KANK1: variants seen among roughly 807,000 people sequenced by gnomAD.
The protein encoded by KANK1 is KN motif and ankyrin repeat domain-containing protein 1.
A neutral mutation model predicts 106.2 loss-of-function variants in KANK1; 109 were observed. That is an observed-to-expected ratio of 1.03 (90% CI 0.88 to 1.20). The LOEUF is 1.20. KANK1 is among the 50% of genes most tolerant of loss of function. The probability of loss-of-function intolerance (pLI) is 0.00; values close to 1 mark genes in which losing one functional copy is unlikely to be tolerated. For missense variants in KANK1, 2,399 were observed against 1,710.7 expected (o/e 1.40, Z -7.10); for synonymous variants, 873 against 652.2 (o/e 1.34, Z -5.16).
At chr9:507,093 G>T (rs2058793599) in intron 1 of KANK1, among the ~76,000 whole-genome samples, 1 of 151,336 alleles carries the variant, frequency 6.6e-6, no homozygotes, top group Admixed American at 6.6e-5. Context: ...AGTGTTTCGG[G>T]AAGTTTTAGG....
intron 3 of KANK1, among the ~76,000 whole-genome samples, chr9:717,014 G>A (rs142096544): frequency 2.0e-5 from 3 of 151,608 alleles, no homozygotes; most frequent in South Asian, 2.1e-4. Context: ...GATTGTGCAC[G>A]GTGGCTCACA....
chr9:689,069 T>TTAAA (rs1419076516), intron 2 of KANK1, among the ~76,000 whole-genome samples: 1 of 152,200 alleles, frequency 6.6e-6, no homozygotes, highest in East Asian at 1.9e-4. Flanking sequence ...ATGTTCTTAT[T>TTAAA]TAGTTCTGTG....
chr9:669,031 C>A (rs945581603), intron 1 of KANK1, among the ~76,000 whole-genome samples: 1 of 152,040 alleles, frequency 6.6e-6, no homozygotes, highest in African/African-American at 2.4e-5. Context: ...AGTTGGAGAT[C>A]CCTGTCTTAG....
intron 1 of KANK1, among the ~76,000 whole-genome samples, chr9:646,666 G>T (rs375992493): frequency 1.4e-4 from 21 of 149,344 alleles, no homozygotes; most frequent in Admixed American, 1.4e-3. Context: ...AGAGCAGTTC[G>T]CCTGATCATT....
chr9:689,323 T>C (rs2139392533), intron 2 of KANK1, among the ~76,000 whole-genome samples: 1 of 152,282 alleles, frequency 6.6e-6, no homozygotes, highest in East Asian at 1.9e-4. Context: ...TTATTTTTCT[T>C]GTCTTTTAAG....
At chr9:719,975 T>G (rs1828873379) in intron 3 of KANK1, among the ~76,000 whole-genome samples, 1 of 152,244 alleles carries the variant, frequency 6.6e-6, no homozygotes, top group African/African-American at 2.4e-5. Context: ...TGGCTTGTTT[T>G]TCATTATAGT....
At chr9:537,840 G>C (rs1478535638) in intron 1 of KANK1, among the ~76,000 whole-genome samples, 4 of 152,162 alleles carry the variant, frequency 2.6e-5, no homozygotes, top group African/African-American at 9.7e-5. Context: ...GTAGTGCTGA[G>C]GTGGAGAACT....
At chr9:577,708 A>G (rs1439170964) in intron 1 of KANK1, among the ~76,000 whole-genome samples, 4 of 152,084 alleles carry the variant, frequency 2.6e-5, no homozygotes, top group Non-Finnish European at 4.4e-5. Context: ...TCCACCCCAA[A>G]CCTCTTGAAT....
chr9:543,094 A>G (rs943071034), intron 1 of KANK1, among the ~76,000 whole-genome samples: 3 of 152,194 alleles, frequency 2.0e-5, no homozygotes, highest in Non-Finnish European at 4.4e-5. Flanking sequence ...CACGAGGTCT[A>G]TGTACATCAA....
chr9:473,872 G>T (rs1362961474), intron 3 of KANK1, among the ~76,000 whole-genome samples: 1 of 152,074 alleles, frequency 6.6e-6, no homozygotes, highest in Admixed American at 6.5e-5. Flanking sequence ...GCTAATTTTT[G>T]TATTTTTAGT....
intron 1 of KANK1, among the ~76,000 whole-genome samples, chr9:528,407 T>C (rs906638009): frequency 6.6e-6 from 1 of 151,788 alleles, no homozygotes; most frequent in Non-Finnish European, 1.5e-5. Context: ...GTCTTTTTAT[T>C]CCATTTTCTG....
rs558191286 is a variant in KANK1 at position 488,110 on chromosome 9, G to A, written c.-362+14837G>A. On this transcript the variant is annotated intron_variant, in intron 3 of 15. Coordinates refer to the KANK1 transcript ENST00000382303. The stretch of plus-strand genomic sequence containing the variant: ...ATGAGGAGATGGTCAACATGGCTAC[G>A]AACTCCACATGAACTCAGTATTAAC... Among the ~76,000 whole-genome samples the A allele has an allele frequency of 1.7e-4, 26 of 152,236 alleles. No individual in the cohort carries two copies. In the South Asian group the frequency reaches 5.2e-3, roughly 30 times the overall value.
intron 1 of KANK1, among the ~76,000 whole-genome samples, chr9:554,769 A>G (rs1443768435): frequency 1.3e-5 from 2 of 152,348 alleles, no homozygotes; most frequent in African/African-American, 2.4e-5. Context: ...TGGAAATGCC[A>G]CTACTAAAAA....
At chr9:596,784 C>T (rs939753619) in intron 1 of KANK1, among the ~76,000 whole-genome samples, 4 of 151,726 alleles carry the variant, frequency 2.6e-5, no homozygotes, top group Non-Finnish European at 5.9e-5. Flanking sequence ...TAATAATTGA[C>T]AATTCAGATG....
At chr9:633,228 G>A (rs967636572) in intron 1 of KANK1, among the ~76,000 whole-genome samples, 9 of 152,012 alleles carry the variant, frequency 5.9e-5, no homozygotes, top group African/African-American at 2.2e-4. Context: ...GAGCCGAGGC[G>A]GGCAGATCAG....
At chr9:703,369 A>G (rs192303045) in intron 2 of KANK1, among the ~76,000 whole-genome samples, 191 of 152,172 alleles carry the variant, frequency 1.3e-3, no homozygotes, top group African/African-American at 4.3e-3. Flanking sequence ...CAGCTAGACT[A>G]TATCTGATTT....
intron 1 of KANK1, among the ~76,000 whole-genome samples, chr9:602,156 A>G (rs192348885): frequency 2.6e-5 from 4 of 152,132 alleles, no homozygotes; most frequent in African/African-American, 7.3e-5. Context: ...AAATACTTTT[A>G]CATTGATAGG....
intron 1 of KANK1, among the ~76,000 whole-genome samples, chr9:645,472 TA>T (rs1839470484): frequency 8.3e-6 from 1 of 120,406 alleles, no homozygotes; most frequent in Non-Finnish European, 1.8e-5. Flanking sequence ...GGCCTTAAGA[TA>T]AAAAACAGTG....
intron 1 of KANK1, among the ~76,000 whole-genome samples, chr9:506,969 T>C (rs1370691479): frequency 1.3e-5 from 2 of 152,156 alleles, no homozygotes; most frequent in Non-Finnish European, 2.9e-5. Context: ...TGTTGGATAA[T>C]GTGTGCATGT....
Sources: allele counts gnomAD v4.1 joint callset (sites outside exome capture counted in the v4.1 genomes callset), GRCh38; gene constraint gnomAD v4.1.1; transcripts MANE v1.5; gene names NCBI Gene and HGNC (gene_info 2026-07-23, HGNC 2026-07-21).